The following CA10 variants were observed in gnomAD, a reference collection of about 807,000 sequenced individuals.
The protein encoded by CA10 is carbonic anhydrase-related protein 10.
In CA10, 14 loss-of-function variants were observed where a neutral mutation model predicts 44.2. That is an observed-to-expected ratio of 0.32 (90% CI 0.21 to 0.50). CA10 has a LOEUF of 0.50. CA10 is among the 20% of genes least tolerant of loss of function. The pLI is 0.99. For missense variants in CA10, 350 were observed against 409.7 expected, an observed-to-expected ratio of 0.85 and a Z score of 1.26; for synonymous variants, 159 against 141.6, an observed-to-expected ratio of 1.12 and a Z score of -0.87.
chr17:51,790,776 C>A (rs1906490899), intron 3 of CA10, among the ~76,000 whole-genome samples: 1 of 152,204 alleles, frequency 6.6e-6, no homozygotes, highest in East Asian at 1.9e-4. Context: ...ATCTGTGCAT[C>A]TCATTCATAT....
intron 2 of CA10, among the ~76,000 whole-genome samples, chr17:52,005,823 G>A (rs1985577787): frequency 6.6e-6 from 1 of 151,826 alleles, no homozygotes; most frequent in African/African-American, 2.4e-5. Flanking sequence ...ACCAGCGGCT[G>A]GAGAATGGTG....
chr17:51,818,779 T>C (rs899511421), intron 3 of CA10, among the ~76,000 whole-genome samples: 1 of 152,228 alleles, frequency 6.6e-6, no homozygotes, highest in South Asian at 2.1e-4. Flanking sequence ...ATTGGGCTCT[T>C]TTATTTCCCT....
intron 3 of CA10, among the ~76,000 whole-genome samples, chr17:51,778,378 G>A (rs142568012): frequency 3.9e-4 from 59 of 152,312 alleles, no homozygotes; most frequent in Non-Finnish European, 6.6e-4. Context: ...TGCTGTGGAA[G>A]TCAAGCTTGG....
intron 3 of CA10, among the ~76,000 whole-genome samples, chr17:51,857,393 A>G (rs890325041): frequency 1.3e-5 from 2 of 152,136 alleles, no homozygotes; most frequent in African/African-American, 2.4e-5. Flanking sequence ...CTACCACCAC[A>G]TGCTACTGAT....
At chr17:52,021,844 T>TTCAA (rs1314263093) in intron 2 of CA10, among the ~76,000 whole-genome samples, 1 of 151,974 alleles carries the variant, frequency 6.6e-6, no homozygotes, top group Non-Finnish European at 1.5e-5. Flanking sequence ...CCTTCAAATA[T>TTCAA]TCAATCAGGA....
intron 3 of CA10, among the ~76,000 whole-genome samples, chr17:51,799,263 C>T (rs891649592): frequency 6.6e-6 from 1 of 152,156 alleles, no homozygotes; most frequent in African/African-American, 2.4e-5. Context: ...AAATAAATAA[C>T]CATAAACCCC....
At position 51,794,179 on chromosome 17, in the gene CA10, G is replaced by A. The variant is rs59213823; in HGVS notation, c.280-46361C>T. ...ACCTTGAATTTCTTGAATATCACAA[G>A]AGGGAAAGGTGTGTTTTTAGTTGGT... is the stretch of plus-strand genomic sequence containing the variant. On this transcript the variant is annotated intron_variant, in intron 3 of 8. Coordinates refer to ENST00000451037, the MANE Select transcript of CA10 (RefSeq NM_020178.5). Among the ~76,000 whole-genome samples the A allele has an allele frequency of 4.1e-3, 626 of 152,358 alleles. 3 individuals are homozygous for A. The highest frequency in any genetic ancestry group is 0.015 in the African/African-American group (611 of 41,584).
intron 3 of CA10, among the ~76,000 whole-genome samples, chr17:51,918,072 A>C (rs144345536): frequency 9.7e-4 from 147 of 152,262 alleles, no homozygotes; most frequent in Non-Finnish European, 1.6e-3. Context: ...ATTTTGTGAA[A>C]CTCTTATTCT....
At chr17:52,013,701 T>C (rs1022600907) in intron 2 of CA10, among the ~76,000 whole-genome samples, 4 of 152,002 alleles carry the variant, frequency 2.6e-5, no homozygotes, top group African/African-American at 9.7e-5. Flanking sequence ...GACTTCCTGT[T>C]TTGTTTTTGT....
intron 1 of CA10, among the ~76,000 whole-genome samples, chr17:52,075,415 A>C (rs1283064061): frequency 6.6e-6 from 1 of 152,208 alleles, no homozygotes; most frequent in Non-Finnish European, 1.5e-5. Context: ...GAACACAATT[A>C]AGTACCACCT....
chr17:51,882,353 T>G (rs983514566), intron 3 of CA10, among the ~76,000 whole-genome samples: 1 of 152,166 alleles, frequency 6.6e-6, no homozygotes, highest in Non-Finnish European at 1.5e-5. Flanking sequence ...CCATAAGCCT[T>G]AGTACAAGAA....
chr17:51,805,685 A>G (rs1309785651), intron 3 of CA10, among the ~76,000 whole-genome samples: 1 of 152,264 alleles, frequency 6.6e-6, no homozygotes, highest in Non-Finnish European at 1.5e-5. Flanking sequence ...AGTAAATTGC[A>G]GAATTGTGCA....
chr17:51,688,668 C>T (rs1245570414), intron 4 of CA10, among the ~76,000 whole-genome samples: 1 of 152,268 alleles, frequency 6.6e-6, no homozygotes, highest in South Asian at 2.1e-4. Flanking sequence ...ATCTTCTATG[C>T]CTGAATTGTA....
At chr17:52,090,931 A>T (rs1439011821) in intron 1 of CA10, among the ~76,000 whole-genome samples, 1 of 152,194 alleles carries the variant, frequency 6.6e-6, no homozygotes, top group Non-Finnish European at 1.5e-5. Flanking sequence ...ACAAAGATTT[A>T]TGTAAATAGC....
chr17:51,645,822 ACTTCTTCCT>A (rs2143254423), intron 6 of CA10, among the ~76,000 whole-genome samples: 1 of 152,340 alleles, frequency 6.6e-6, no homozygotes, highest in East Asian at 1.9e-4. Flanking sequence ...GGAAATGTTC[ACTTCTTCCT>A]CATCTTCATC....
chr17:51,854,689 A>G (rs1978959343), intron 3 of CA10, among the ~76,000 whole-genome samples: 1 of 151,882 alleles, frequency 6.6e-6, no homozygotes, highest in South Asian at 2.1e-4. Flanking sequence ...AAGAGGGTAT[A>G]TGGTACAAGG....
chr17:52,146,550 C>CA (rs1567748233), intron 1 of CA10, among the ~76,000 whole-genome samples: 7 of 151,980 alleles, frequency 4.6e-5, no homozygotes, highest in African/African-American at 1.4e-4. Context: ...ATCAGCCGGC[C>CA]GTGGTGGCGG....
At chr17:51,816,098 G>A (rs887274255) in intron 3 of CA10, among the ~76,000 whole-genome samples, 5 of 151,938 alleles carry the variant, frequency 3.3e-5, no homozygotes, top group South Asian at 2.1e-4. Flanking sequence ...CCAGCTTCTG[G>A]TAATCACTCT....
intron 1 of CA10, among the ~76,000 whole-genome samples, chr17:52,111,935 A>G (rs191282293): frequency 2.0e-5 from 3 of 152,244 alleles, no homozygotes; most frequent in African/African-American, 7.2e-5. Context: ...TAGAGACTAA[A>G]TTGAATTCAG....
Sources: gnomAD v4.1 joint callset for allele counts (sites outside exome capture counted in the v4.1 genomes callset) on GRCh38, gnomAD v4.1.1 for gene constraint, MANE v1.5 for transcripts, NCBI Gene and HGNC (gene_info 2026-07-23, HGNC 2026-07-21) for gene names.